The following GABRA3 variants were observed in gnomAD, a reference collection of about 807,000 sequenced individuals.
GABRA3 encodes the protein gamma-aminobutyric acid type A receptor subunit alpha3.
A neutral mutation model predicts 30.1 loss-of-function variants in GABRA3; 10 were observed. The ratio of observed to expected loss-of-function variants is 0.33; its 90% CI spans 0.20 to 0.56. The LOEUF (loss-of-function observed/expected upper bound fraction) is 0.56. GABRA3 is among the 20% of genes least tolerant of loss of function. The pLI is 0.89. For missense variants in GABRA3, 233 were observed against 392.0 expected, an observed-to-expected ratio of 0.59 and a Z score of 3.42; for synonymous variants, 151 against 146.8, an observed-to-expected ratio of 1.03 and a Z score of -0.21.
chrX:152,398,002 G>A (rs923705663), intron 1 of GABRA3, among the ~76,000 whole-genome samples: 2 of 111,830 alleles, frequency 1.8e-5, no homozygotes, highest in Non-Finnish European at 3.8e-5. Context: ...GAATGGCCCA[G>A]GGCCATTCTG....
intron 7 of GABRA3, among the ~76,000 whole-genome samples, chrX:152,206,480 C>T (rs1318737435): frequency 8.9e-6 from 1 of 111,765 alleles, no homozygotes; most frequent in Non-Finnish European, 1.9e-5. Context: ...GTCCCGGGAT[C>T]AGGGCTCTAA....
chrX:152,206,596 A>G (rs968056173), intron 7 of GABRA3, among the ~76,000 whole-genome samples: 2 of 111,285 alleles, frequency 1.8e-5, no homozygotes, highest in Admixed American at 1.9e-4. Context: ...GGCTCTGCCC[A>G]CACTCCCAGT....
At chrX:152,199,081 G>C (rs1173194030) in intron 7 of GABRA3, among the ~76,000 whole-genome samples, 1 of 111,304 alleles carries the variant, frequency 9.0e-6, no homozygotes, top group Non-Finnish European at 1.9e-5. Context: ...GCAGGCAGAG[G>C]GCTGGGTGCG....
intron 1 of GABRA3, among the ~76,000 whole-genome samples, chrX:152,443,980 C>T (rs947611601): frequency 1.8e-5 from 2 of 110,492 alleles, no homozygotes; most frequent in South Asian, 7.6e-4. Flanking sequence ...GATGTGATCC[C>T]GATTATATAA....
chrX:152,197,424 A>G (rs911246201), intron 8 of GABRA3, among the ~76,000 whole-genome samples: 4 of 111,453 alleles, frequency 3.6e-5, no homozygotes, highest in Non-Finnish European at 5.6e-5. Flanking sequence ...GAAGCATTTC[A>G]GTATCTTACT....
At chrX:152,366,586 ATATAC>A (rs1174315924) in intron 1 of GABRA3, among the ~76,000 whole-genome samples, 2 of 112,311 alleles carry the variant, frequency 1.8e-5, no homozygotes, top group African/African-American at 6.5e-5. Context: ...AAACTAAGAC[ATATAC>A]TATGATACAT....
intron 3 of GABRA3, among the ~76,000 whole-genome samples, chrX:152,300,841 A>T (rs925192301): frequency 7.1e-5 from 8 of 112,124 alleles, no homozygotes; most frequent in African/African-American, 2.6e-4. Context: ...TATGAGAAAC[A>T]GTAAGAAAAA....
chrX:152,295,626 G>A (rs1939515446), intron 3 of GABRA3, among the ~76,000 whole-genome samples: 1 of 112,712 alleles, frequency 8.9e-6, no homozygotes, highest in South Asian at 3.7e-4. Flanking sequence ...GCTTGGAAGG[G>A]GAAATCCCTT....
chrX:152,208,920 C>T (rs1397312554), intron 6 of GABRA3, among the ~76,000 whole-genome samples: 1 of 111,479 alleles, frequency 9.0e-6, no homozygotes, highest in Non-Finnish European at 1.9e-5. Context: ...TATTCCTTCA[C>T]AGCAAAGCAA....
At chrX:152,398,261 C>CT (rs762967661) in intron 1 of GABRA3, among the ~76,000 whole-genome samples, 18 of 54,011 alleles carry the variant, frequency 3.3e-4, no homozygotes, top group African/African-American at 4.6e-4. Context: ...GTTTTTCCAC[C>CT]TTTTTTTTTT....
intron 1 of GABRA3, among the ~76,000 whole-genome samples, chrX:152,439,465 T>A (rs780019916): frequency 3.6e-5 from 4 of 111,167 alleles, no homozygotes; most frequent in Non-Finnish European, 7.5e-5. Context: ...CAAGTGGTGG[T>A]GGGGATAATG....
At chrX:152,236,660 T>C (rs1225996835) in intron 5 of GABRA3, among the ~76,000 whole-genome samples, 1 of 107,761 alleles carries the variant, frequency 9.3e-6, no homozygotes, top group African/African-American at 3.4e-5. Flanking sequence ...GCACCTGTTG[T>C]TTCCTGACTT....
intron 9 of GABRA3, among the ~76,000 whole-genome samples, chrX:152,176,800 C>T (rs188009793): frequency 3.6e-5 from 4 of 111,409 alleles, no homozygotes; most frequent in East Asian, 2.8e-4. Context: ...GGAAGTTGTT[C>T]GCCTCTAGAT....
intron 7 of GABRA3, among the ~76,000 whole-genome samples, chrX:152,200,526 TTA>T (rs1937469673): frequency 9.0e-6 from 1 of 111,443 alleles, no homozygotes; most frequent in South Asian, 3.8e-4. Context: ...TTTCTTTGTT[TTA>T]TCTTCTGTCT....
At chrX:152,240,295 TTTTC>T in intron 5 of GABRA3, among the ~76,000 whole-genome samples, 1 of 101,584 alleles carries the variant, frequency 9.8e-6, no homozygotes, top group East Asian at 3.7e-4. Context: ...TTGAAAATTC[TTTTC>T]TTTAAGAACG....
chrX:152,267,530 A>T (rs1295824579), intron 4 of GABRA3, among the ~76,000 whole-genome samples: 1 of 110,756 alleles, frequency 9.0e-6, no homozygotes, highest in Non-Finnish European at 1.9e-5. Context: ...TTGTGGAATG[A>T]GTTTGGACAT....
chrX:152,439,118 TTTA>T (rs201046876), intron 1 of GABRA3, among the ~76,000 whole-genome samples: 27,206 of 106,457 alleles, frequency 0.26, 3,421 homozygotes, highest in African/African-American at 0.43. Context: ...TAAAATAAAG[TTTA>T]TTATTATTAT....
chrX:152,433,835 A>G (rs1930709993), intron 1 of GABRA3, among the ~76,000 whole-genome samples: 1 of 111,016 alleles, frequency 9.0e-6, no homozygotes, highest in African/African-American at 3.3e-5. Context: ...AGAAATGAAG[A>G]CAAGTGGGTC....
intron 9 of GABRA3, among the ~76,000 whole-genome samples, chrX:152,186,321 A>G (rs745819525): frequency 9.1e-6 from 1 of 109,815 alleles, no homozygotes; most frequent in South Asian, 4.0e-4. Context: ...GGTTCAAGTG[A>G]TTCTCCCGTC....
Sources: gnomAD v4.1 joint callset for allele counts (sites outside exome capture counted in the v4.1 genomes callset) on GRCh38, gnomAD v4.1.1 for gene constraint, MANE v1.5 for transcripts, NCBI Gene and HGNC (gene_info 2026-07-23, HGNC 2026-07-21) for gene names.